The following SEMA6D variants were observed in gnomAD, a reference collection of about 807,000 sequenced individuals.
SEMA6D encodes semaphorin 6D.
SEMA6D carries 35 observed loss-of-function variants against 106.6 expected under a neutral mutation model. The ratio of observed to expected loss-of-function variants is 0.33; its 90% CI spans 0.25 to 0.44. The LOEUF is 0.44. SEMA6D is among the 20% of genes least tolerant of loss of function. The pLI is 1.00. For synonymous variants in SEMA6D, 499 were observed against 487.7 expected, an observed-to-expected ratio of 1.02 and a Z score of -0.31; for missense variants, 1,185 against 1,345.9, an observed-to-expected ratio of 0.88 and a Z score of 1.87.
At chr15:47,547,670 C>T (rs1380374728) in intron 3 of SEMA6D, among the ~76,000 whole-genome samples, 1 of 152,074 alleles carries the variant, frequency 6.6e-6, no homozygotes, top group Non-Finnish European at 1.5e-5. Flanking sequence ...AAATAGCAGG[C>T]TCATAGAATC....
chr15:47,285,535 G>C (rs1190253022), intron 1 of SEMA6D, among the ~76,000 whole-genome samples: 1 of 152,056 alleles, frequency 6.6e-6, no homozygotes, highest in African/African-American at 2.4e-5. Flanking sequence ...GACAGACCCT[G>C]AAACTGTGCA....
intron 1 of SEMA6D, among the ~76,000 whole-genome samples, chr15:47,269,990 C>T (rs1316130167): frequency 6.6e-6 from 1 of 151,590 alleles, no homozygotes; most frequent in Non-Finnish European, 1.5e-5. Flanking sequence ...CATAATAATA[C>T]TGAGTCAGAT....
chr15:47,494,743 TATATA>T (rs1268914904), intron 3 of SEMA6D, among the ~76,000 whole-genome samples: 3 of 23,106 alleles, frequency 1.3e-4, no homozygotes, highest in Non-Finnish European at 2.1e-4. Context: ...GGGATGGAGA[TATATA>T]TATATATATA....
chr15:47,720,628 T>G (rs2079370826), intron 1 of SEMA6D, among the ~76,000 whole-genome samples: 1 of 152,182 alleles, frequency 6.6e-6, no homozygotes, highest in Non-Finnish European at 1.5e-5. Context: ...AATGTCGTGG[T>G]TTCTGTCGCT....
At chr15:47,263,382 G>A (rs2034167009) in intron 1 of SEMA6D, among the ~76,000 whole-genome samples, 1 of 152,034 alleles carries the variant, frequency 6.6e-6, no homozygotes, top group Admixed American at 6.6e-5. Flanking sequence ...AAATAAGTGG[G>A]CAACGGACAT....
At chr15:47,623,751 A>G (rs953509473) in intron 4 of SEMA6D, among the ~76,000 whole-genome samples, 1 of 152,182 alleles carries the variant, frequency 6.6e-6, no homozygotes, top group Non-Finnish European at 1.5e-5. Context: ...AGGAAACAAG[A>G]AACAGACCTA....
intron 4 of SEMA6D, among the ~76,000 whole-genome samples, chr15:47,695,347 G>A (rs1197114515): frequency 6.6e-6 from 1 of 152,146 alleles, no homozygotes; most frequent in Non-Finnish European, 1.5e-5. Flanking sequence ...ATAGGTTATA[G>A]GGACAGTTTG....
At chr15:47,300,406 G>A (rs1402792258) in intron 1 of SEMA6D, among the ~76,000 whole-genome samples, 1 of 151,388 alleles carries the variant, frequency 6.6e-6, no homozygotes, top group Non-Finnish European at 1.5e-5. Context: ...CCTGTTATGT[G>A]TACTGCATAG....
At chr15:47,535,043 G>A (rs1222753677) in intron 3 of SEMA6D, among the ~76,000 whole-genome samples, 2 of 148,172 alleles carry the variant, frequency 1.3e-5, no homozygotes, top group African/African-American at 5.0e-5. Flanking sequence ...AGTCAAGCAG[G>A]AGGGATGAGA....
intron 2 of SEMA6D, among the ~76,000 whole-genome samples, chr15:47,418,872 T>G (rs1191754029): frequency 6.6e-6 from 1 of 152,138 alleles, no homozygotes; most frequent in Non-Finnish European, 1.5e-5. Flanking sequence ...TCACAGGATA[T>G]GAAAGTTCTC....
chr15:47,413,186 G>A (rs944064084), intron 2 of SEMA6D, among the ~76,000 whole-genome samples: 3 of 152,048 alleles, frequency 2.0e-5, no homozygotes, highest in Non-Finnish European at 4.4e-5. Context: ...ATCTGAGGCC[G>A]AAATATAATA....
chr15:47,432,562 C>CACATATGTATATACATATACACCTATAT (rs1555438670), intron 2 of SEMA6D, among the ~76,000 whole-genome samples: 1 of 43,260 alleles, frequency 2.3e-5, no homozygotes, highest in Non-Finnish European at 5.6e-5. Flanking sequence ...TATACATATA[C>CACATATGTATATACATATACACCTATAT]GCATATGTAT....
At chr15:47,192,584 T>C (rs572943223) in intron 1 of SEMA6D, among the ~76,000 whole-genome samples, 13 of 152,110 alleles carry the variant, frequency 8.5e-5, no homozygotes, top group Non-Finnish European at 1.5e-4. Context: ...AAAGCATTTT[T>C]TTCAAAGAAT....
intron 1 of SEMA6D, among the ~76,000 whole-genome samples, chr15:47,364,053 T>A (rs970801163): frequency 8.5e-5 from 13 of 152,072 alleles, no homozygotes; most frequent in Non-Finnish European, 1.6e-4. Flanking sequence ...AGATTACAAT[T>A]TGAGATGAGA....
chr15:47,521,736 A>G (rs2044585831), intron 3 of SEMA6D, among the ~76,000 whole-genome samples: 1 of 152,220 alleles, frequency 6.6e-6, no homozygotes, highest in Non-Finnish European at 1.5e-5. Context: ...CTGTAATCCC[A>G]GCACTTTGGG....
intron 3 of SEMA6D, among the ~76,000 whole-genome samples, chr15:47,529,539 C>G (rs1355566930): frequency 6.8e-6 from 1 of 147,620 alleles, no homozygotes; most frequent in African/African-American, 2.5e-5. Context: ...CCTAGTCACA[C>G]TCATGAAAGA....
At chr15:47,393,359 A>G (rs568015251) in intron 1 of SEMA6D, 2 of 152,356 alleles carry the variant, frequency 1.3e-5, no homozygotes, top group South Asian at 2.1e-4. Flanking sequence ...TGCCAGCAGT[A>G]CAACCTGAGG....
In SEMA6D at chr15:47,250,557, C is replaced by G. The variant is rs2033461443; in HGVS notation, c.-239+66139C>G. Among the ~76,000 whole-genome samples, 3 of 110,260 alleles carry G rather than the reference C, an allele frequency of 2.7e-5. No individual in the cohort carries two copies. The South Asian group carries it at 1.3e-3, about 49-fold the overall frequency. The allele number at this position is 110,260 out of a possible 152,430, so 72.3% of individuals were successfully genotyped here. A position where few individuals can be genotyped will look rare whatever the true frequency, so the allele number is the denominator to read the frequency against. On this transcript the variant is annotated intron_variant, in intron 1 of 19. Transcript: ENST00000558014. ...TTATGTATATTTGTTTAAAAACTTT[C>G]TTTACGTAATTTTTCAAACATTTGG...
intron 1 of SEMA6D, among the ~76,000 whole-genome samples, chr15:47,242,744 A>G (rs1390553465): frequency 3.3e-5 from 5 of 152,196 alleles, no homozygotes; most frequent in South Asian, 2.1e-4. Context: ...ATTTCCGATT[A>G]TAAAAGCAAC....
Sources: gnomAD v4.1 joint callset for allele counts (sites outside exome capture counted in the v4.1 genomes callset) on GRCh38, gnomAD v4.1.1 for gene constraint, MANE v1.5 for transcripts, NCBI Gene and HGNC (gene_info 2026-07-23, HGNC 2026-07-21) for gene names.